The following NTRK3 variants were observed in gnomAD, a reference collection of about 807,000 sequenced individuals.
NTRK3 encodes NT-3 growth factor receptor.
NTRK3 carries 24 observed loss-of-function variants against 91.7 expected under a neutral mutation model. That is an observed-to-expected ratio of 0.26 (90% CI 0.19 to 0.37). NTRK3 has a LOEUF of 0.37. Among genes scored for constraint, NTRK3 ranks in the 10% least tolerant of loss-of-function variants. NTRK3 has a pLI of 1.00. For missense variants in NTRK3, 880 were observed against 1,068.9 expected, an observed-to-expected ratio of 0.82 and a Z score of 2.46; for synonymous variants, 483 against 404.0, an observed-to-expected ratio of 1.20 and a Z score of -2.34.
chr15:88,118,866 G>A (rs1001164210), intron 13 of NTRK3, among the ~76,000 whole-genome samples: 3 of 152,210 alleles, frequency 2.0e-5, no homozygotes, highest in Admixed American at 2.0e-4. Context: ...ACACGAGTCA[G>A]TAAGCACTGT....
intron 13 of NTRK3, among the ~76,000 whole-genome samples, chr15:88,043,313 G>A (rs1299123410): frequency 6.6e-6 from 1 of 152,276 alleles, no homozygotes; most frequent in African/African-American, 2.4e-5. Flanking sequence ...CAAAATGCTG[G>A]GTTTTTGGCC....
chr15:88,217,557 C>A (rs1441863430), intron 3 of NTRK3, among the ~76,000 whole-genome samples: 1 of 152,028 alleles, frequency 6.6e-6, no homozygotes, highest in African/African-American at 2.4e-5. Flanking sequence ...AGCCAGATTT[C>A]TAGAGACAGA....
At chr15:87,886,766 T>TC (rs1397482585) in intron 17 of NTRK3, among the ~76,000 whole-genome samples, 1 of 141,308 alleles carries the variant, frequency 7.1e-6, no homozygotes. Flanking sequence ...ATATATATAT[T>TC]TCTATGCTGT....
At chr15:87,871,361 A>G (rs1486787214) in exon 19 of NTRK3, 3 of 231,156 alleles carry the variant, frequency 1.3e-5, no homozygotes, top group Admixed American at 1.1e-4. Context: ...CTAATACCCA[A>G]TGCAGTGACA....
At chr15:87,962,098 C>A (rs1353302429) in intron 14 of NTRK3, among the ~76,000 whole-genome samples, 8 of 152,208 alleles carry the variant, frequency 5.3e-5, no homozygotes, top group Non-Finnish European at 7.3e-5. Context: ...GGAAGTGACA[C>A]AAACCTAATT....
In NTRK3 at chr15:88,185,424, C is replaced by T. The variant is rs564521675; in HGVS notation, c.249-1125G>A. On this transcript the variant is annotated intron_variant, in intron 3 of 18. Coordinates refer to ENST00000394480, the Ensembl canonical transcript of NTRK3. Reference sequence around the variant, plus strand: ...GACCAAATGCCAGAAACAAACACCCCTCATTACTGCTTTTGGGATCCCCAG... The same window carrying T: ...GACCAAATGCCAGAAACAAACACCCTTCATTACTGCTTTTGGGATCCCCAG... 2.0e-4 allele frequency among the ~76,000 whole-genome samples: 30 copies of T among 152,284 alleles called. No homozygotes were observed. In the East Asian group the frequency reaches 3.7e-3, roughly 19 times the overall value.
intron 13 of NTRK3, among the ~76,000 whole-genome samples, chr15:88,125,260 T>G (rs920697839): frequency 6.6e-6 from 1 of 152,220 alleles, no homozygotes; most frequent in Non-Finnish European, 1.5e-5. Context: ...ACTCCAACAT[T>G]TGCATACAAC....
At chr15:88,220,295 C>A (rs911271776) in intron 3 of NTRK3, among the ~76,000 whole-genome samples, 2 of 152,030 alleles carry the variant, frequency 1.3e-5, no homozygotes, top group Non-Finnish European at 2.9e-5. Context: ...ACTGTAGGCA[C>A]GGAGAGGGGT....
chr15:88,067,192 A>G (rs1403032567), intron 13 of NTRK3, among the ~76,000 whole-genome samples: 1 of 152,136 alleles, frequency 6.6e-6, no homozygotes, highest in African/African-American at 2.4e-5. Context: ...AGTCCCATTC[A>G]GCACAGCCCC....
At chr15:88,126,292 G>T (rs750055690) in exon 13 of NTRK3, 7 of 1,613,520 alleles carry the variant, frequency 4.3e-6, no homozygotes, top group African/African-American at 1.3e-5. Context: ...AATTTGGACC[G>T]TCGACCATAT....
intron 13 of NTRK3, among the ~76,000 whole-genome samples, chr15:88,100,355 C>T (rs2050043732): frequency 6.6e-6 from 1 of 152,226 alleles, no homozygotes; most frequent in African/African-American, 2.4e-5. Context: ...GGGCTCCCAT[C>T]TGGAGAGCCA....
At chr15:87,904,575 G>A (rs942430147) in intron 17 of NTRK3, among the ~76,000 whole-genome samples, 1 of 152,130 alleles carries the variant, frequency 6.6e-6, no homozygotes, top group Non-Finnish European at 1.5e-5. Context: ...AAGTCTCTAA[G>A]CAGATTCCCA....
chr15:88,186,074 A>T (rs2046919267), intron 3 of NTRK3, among the ~76,000 whole-genome samples: 1 of 152,174 alleles, frequency 6.6e-6, no homozygotes. Context: ...ATGAAAAGAA[A>T]GCGCCAGAGG....
intron 17 of NTRK3, chr15:87,927,735 T>A (rs577042859): frequency 1.4e-4 from 22 of 152,318 alleles, no homozygotes; most frequent in Admixed American, 1.2e-3. Flanking sequence ...CATCTATAAA[T>A]GAGGAAGCAG....
chr15:87,873,648 GC>G (rs1338272133), exon 19 of NTRK3: 1 of 231,788 alleles, frequency 4.3e-6, no homozygotes, highest in African/African-American at 2.2e-5. Flanking sequence ...AACTGGAGTG[GC>G]CATATTGGCT....
At chr15:88,074,126 T>C (rs898745801) in intron 13 of NTRK3, among the ~76,000 whole-genome samples, 16 of 152,148 alleles carry the variant, frequency 1.1e-4, no homozygotes, top group African/African-American at 3.4e-4. Flanking sequence ...ATGTACACCA[T>C]TGGGTTTAGT....
In NTRK3 at chr15:88,235,538, A is replaced by C. The variant is rs1049250414; in HGVS notation, c.248+20368T>G. 6.6e-6 allele frequency among the ~76,000 whole-genome samples: 1 copy of C among 152,114 alleles called. No homozygotes were observed. The highest frequency in any genetic ancestry group is 2.4e-5 in the African/African-American group (1 of 41,426). On this transcript the variant is annotated intron_variant, in intron 3 of 18. Transcript: ENST00000394480. This position sits in a 1 kb window ranked among gnomAD's most constrained non-coding sequence, Gnocchi z 5.2. Reference sequence around the variant, plus strand: ...AGTGGCATTCATCTATCCCTTGCACATGAGACTCAGCCTGGGCCCCTGGGA... The same window carrying C: ...AGTGGCATTCATCTATCCCTTGCACCTGAGACTCAGCCTGGGCCCCTGGGA...
chr15:87,918,391 G>T (rs2067613334), intron 17 of NTRK3, among the ~76,000 whole-genome samples: 2 of 152,112 alleles, frequency 1.3e-5, no homozygotes. Flanking sequence ...TTCTTTCCAT[G>T]CATCTTCCAT....
rs190209438 is a variant in NTRK3, at chr15:88,148,309, A to C, written c.396-906T>G. Among the ~76,000 whole-genome samples the C allele has an allele frequency of 4.9e-4, 75 of 152,364 alleles. 1 individual carries two copies. The East Asian group carries it at 9.3e-3, about 19-fold the overall frequency. ...TACAACAAATATTTATTGAGGCTACACTGACGAATGAGGGAGTTGACCATT... is the reference window on the plus strand; with the variant it reads ...TACAACAAATATTTATTGAGGCTACCCTGACGAATGAGGGAGTTGACCATT... On this transcript the variant is annotated intron_variant, in intron 5 of 18. Transcript: ENST00000394480.
Sources: allele counts gnomAD v4.1 joint callset (sites outside exome capture counted in the v4.1 genomes callset), GRCh38; gene constraint gnomAD v4.1.1; non-coding constraint Gnocchi (gnomAD v3.1); transcripts MANE v1.5; gene names NCBI Gene and HGNC (gene_info 2026-07-23, HGNC 2026-07-21).